TAFA5: variants seen among roughly 807,000 people sequenced by gnomAD.
TAFA5 encodes chemokine-like protein TAFA-5.
A neutral mutation model predicts 15.3 loss-of-function variants in TAFA5; 6 were observed. The ratio of observed to expected loss-of-function variants is 0.39; its 90% confidence interval spans 0.21 to 0.77. TAFA5 has a LOEUF of 0.77. TAFA5 is among the 30% of genes least tolerant of loss of function. The pLI, the probability that TAFA5 is intolerant of heterozygous loss-of-function variation, is 0.41. For missense variants in TAFA5, 161 were observed against 193.1 expected, an observed-to-expected ratio of 0.83 and a Z score of 0.98; for synonymous variants, 103 against 80.7, an observed-to-expected ratio of 1.28 and a Z score of -1.48.
At chr22:48,696,613 G>A (rs569618090) in intron 2 of TAFA5, among the ~76,000 whole-genome samples, 2 of 152,242 alleles carry the variant, frequency 1.3e-5, no homozygotes, top group African/African-American at 4.8e-5. Flanking sequence ...GCTAGGTTCC[G>A]GAGAGGGGAA....
At chr22:48,703,626 C>T (rs909088673) in intron 2 of TAFA5, among the ~76,000 whole-genome samples, 2 of 152,242 alleles carry the variant, frequency 1.3e-5, no homozygotes, top group African/African-American at 4.8e-5. Context: ...TGCGCTGTGG[C>T]CTGCGCCGTA....
chr22:48,537,480 A>G (rs974923545), intron 1 of TAFA5, among the ~76,000 whole-genome samples: 1 of 152,194 alleles, frequency 6.6e-6, no homozygotes, highest in African/African-American at 2.4e-5. Flanking sequence ...CTTGGTTTCA[A>G]ATCTGGGCCC....
chr22:48,617,578 C>A (rs1057421854), intron 1 of TAFA5, among the ~76,000 whole-genome samples: 2 of 152,260 alleles, frequency 1.3e-5, no homozygotes, highest in Non-Finnish European at 2.9e-5. Context: ...ACTGTCCTCA[C>A]TGTCGTCACC....
intron 1 of TAFA5, among the ~76,000 whole-genome samples, chr22:48,539,910 G>C (rs1432547765): frequency 7.0e-6 from 1 of 143,220 alleles, no homozygotes; most frequent in East Asian, 1.9e-4. Flanking sequence ...ACAGGCAGAA[G>C]GTGGGAGGGG....
chr22:48,597,617 C>T (rs148162830), intron 1 of TAFA5, among the ~76,000 whole-genome samples: 75 of 152,394 alleles, frequency 4.9e-4, no homozygotes, highest in African/African-American at 1.7e-3. Context: ...CCCTGCCGTT[C>T]CCCTCTGGCT....
At chr22:48,527,790 G>A (rs928333713) in intron 1 of TAFA5, among the ~76,000 whole-genome samples, 8 of 152,190 alleles carry the variant, frequency 5.3e-5, no homozygotes, top group East Asian at 1.9e-4. Context: ...CTGTGGGTCC[G>A]GCGATGGTGG....
intron 1 of TAFA5, among the ~76,000 whole-genome samples, chr22:48,520,719 G>C (rs973920581): frequency 5.3e-5 from 8 of 152,166 alleles, no homozygotes; most frequent in Non-Finnish European, 8.8e-5. Flanking sequence ...GGGGCATGGA[G>C]CTCTCAGACC....
intron 1 of TAFA5, among the ~76,000 whole-genome samples, chr22:48,593,055 G>C (rs1044760062): frequency 4.6e-5 from 7 of 152,182 alleles, no homozygotes; most frequent in Admixed American, 4.6e-4. Context: ...TGCAGCCGTC[G>C]GAACTGAGAT....
chr22:48,489,968 A>G lies in TAFA5; in HGVS notation c.112+264A>G, dbSNP rs914560760. 7.3e-5 allele frequency among the ~76,000 whole-genome samples: 11 copies of G among 151,704 alleles called. No individual in the cohort carries two copies. The highest frequency in any genetic ancestry group is 5.9e-4 in the Admixed American group (9 of 15,256). On this transcript the variant is annotated intron_variant, in intron 1 of 3. Coordinates refer to ENST00000402357, the MANE Select transcript of TAFA5 (RefSeq NM_001082967.3). The surrounding 1 kb of genome is among the most constrained non-coding windows in gnomAD (Gnocchi z 5.5). ...GACTCCCCGGCAGGGCCCGGGCTCC[A>G]GGCCCCGGGTGGCGCGGCCCGTCCC...
intron 1 of TAFA5, among the ~76,000 whole-genome samples, chr22:48,584,664 C>G (rs980163066): frequency 4.7e-5 from 7 of 147,678 alleles, no homozygotes; most frequent in African/African-American, 1.8e-4. Flanking sequence ...ACACACACAG[C>G]ACAAATCACA....
chr22:48,735,507 G>T (rs530975270), intron 3 of TAFA5, among the ~76,000 whole-genome samples: 103 of 152,260 alleles, frequency 6.8e-4, no homozygotes, highest in Admixed American at 1.2e-3. Context: ...CCACACAGAG[G>T]CCACTCAGGT....
At position 48,576,003 on chromosome 22, in the gene TAFA5, G is replaced by A. The variant is rs1191164593; in HGVS notation, c.113-70594G>A. Reference sequence around the variant, plus strand: ...CGACGCCGAGCAGCGGGCGGTGGGGGCCGACAGGCGGAGGAGGGGGCCGGG... The same window carrying A: ...CGACGCCGAGCAGCGGGCGGTGGGGACCGACAGGCGGAGGAGGGGGCCGGG... On this transcript the variant is annotated intron_variant, in intron 1 of 3. Transcript: ENST00000402357. 7.9e-5 allele frequency among the ~76,000 whole-genome samples: 11 copies of A among 138,680 alleles called. No individual in the cohort carries two copies. The East Asian group carries it at 2.2e-3, about 27-fold the overall frequency. The allele number at this position is 138,680 out of a possible 152,430, so 91.0% of individuals were successfully genotyped here. A position where few individuals can be genotyped will look rare whatever the true frequency, so the allele number is the denominator to read the frequency against.
chr22:48,673,450 G>A (rs1927865019), intron 2 of TAFA5, among the ~76,000 whole-genome samples: 3 of 152,174 alleles, frequency 2.0e-5, no homozygotes, highest in Admixed American at 2.0e-4. Context: ...CTGTAAGCCT[G>A]GGAGGGTGGC....
At position 48,691,733 on chromosome 22, in the gene TAFA5, G is replaced by T. The variant is rs181914964; in HGVS notation, c.263-15984G>T. Among the ~76,000 whole-genome samples the T allele has an allele frequency of 2.3e-4, 35 of 152,356 alleles. No homozygotes were observed. The East Asian group carries it at 6.8e-3, about 29-fold the overall frequency. ...CTTGGCAGGTCTGCTCAGGAGGAAG[G>T]CCAGGTGTCTGGCTCTCTGTGCTGG... On this transcript the variant is annotated intron_variant, in intron 2 of 3. Coordinates refer to ENST00000402357, the MANE Select transcript of TAFA5 (RefSeq NM_001082967.3).
Position 48,742,526 on chromosome 22 carries a change from C to T in TAFA5, c.391-7313C>T, listed in dbSNP as rs137881386. ...GGACCCGGTGGCGTGGCAGACCAGGCGACGTGGTGGACCCGGCCGCATGGT... is the reference window on the plus strand; with the variant it reads ...GGACCCGGTGGCGTGGCAGACCAGGTGACGTGGTGGACCCGGCCGCATGGT... On this transcript the variant is annotated intron_variant, in intron 3 of 3. Transcript: ENST00000402357. This position sits in a 1 kb window ranked among gnomAD's most constrained non-coding sequence, Gnocchi z 6.2. 2.9e-3 allele frequency among the ~76,000 whole-genome samples: 444 copies of T among 151,904 alleles called. 1 individual carries two copies. The highest frequency in any genetic ancestry group is 5.8e-3 in the Admixed American group (88 of 15,254).
At chr22:48,641,741 G>A (rs1474299678) in intron 1 of TAFA5, among the ~76,000 whole-genome samples, 4 of 152,066 alleles carry the variant, frequency 2.6e-5, no homozygotes, top group Admixed American at 1.3e-4. Flanking sequence ...CCAACCCAGC[G>A]GAAAGTCGGT....
intron 2 of TAFA5, among the ~76,000 whole-genome samples, chr22:48,705,799 G>A (rs1468227585): frequency 2.0e-5 from 3 of 152,256 alleles, no homozygotes; most frequent in African/African-American, 4.8e-5. Flanking sequence ...GTGCACACAC[G>A]TGCATTTGCA....
chr22:48,719,759 G>A (rs965598908), intron 3 of TAFA5, among the ~76,000 whole-genome samples: 4 of 152,178 alleles, frequency 2.6e-5, no homozygotes, highest in South Asian at 2.1e-4. Context: ...TCCATTTTGC[G>A]TTCTTTTGAA....
chr22:48,582,055 G>C (rs924077494), intron 1 of TAFA5, among the ~76,000 whole-genome samples: 1 of 152,024 alleles, frequency 6.6e-6, no homozygotes, highest in Non-Finnish European at 1.5e-5. Flanking sequence ...CATGGGACCC[G>C]GTAGCCTTTG....
Sources: allele counts gnomAD v4.1 joint callset (sites outside exome capture counted in the v4.1 genomes callset), GRCh38; gene constraint gnomAD v4.1.1; non-coding constraint Gnocchi (gnomAD v3.1); transcripts MANE v1.5; gene names NCBI Gene and HGNC (gene_info 2026-07-23, HGNC 2026-07-21).